Variants in EIF4ENIF1 observed in about 807,000 individuals in gnomAD.
EIF4ENIF1 encodes the protein eukaryotic translation initiation factor 4E nuclear import factor 1, also known as eukaryotic translation initiation factor 4E transporter.
A neutral mutation model predicts 110.5 loss-of-function variants in EIF4ENIF1; 23 were observed. That is an observed-to-expected ratio of 0.21 (90% CI 0.15 to 0.29). EIF4ENIF1 has a LOEUF of 0.29. EIF4ENIF1 is among the 10% of genes least tolerant of loss of function. The pLI is 1.00. For missense variants in EIF4ENIF1, 1,031 were observed against 1,221.1 expected (o/e 0.84, Z 2.32); for synonymous variants, 440 against 437.0 (o/e 1.01, Z -0.09).
intron 12 of EIF4ENIF1, 43 bp downstream of exon 12, chr22:31,449,305 T>G: frequency 6.3e-7 from 1 of 1,593,980 alleles, no homozygotes; most frequent in African/African-American, 1.3e-5. Context: ...CTACCGTGCC[T>G]GGCCATAAAT....
At chr22:31,440,255 C>G (rs2050250281) in intron 18 of EIF4ENIF1, 134 bp from the exon 19 acceptor site, 3 of 1,294,378 alleles carry the variant, frequency 2.3e-6, no homozygotes, top group South Asian at 1.4e-5. Flanking sequence ...AACTCCTTTG[C>G]AAAATACCAA....
intron 4 of EIF4ENIF1, among the ~76,000 whole-genome samples, chr22:31,465,153 G>C (rs182754913): frequency 6.6e-6 from 1 of 151,718 alleles, no homozygotes; most frequent in African/African-American, 2.4e-5. Flanking sequence ...GTGAAACCTC[G>C]TCTCTACTAA....
At position 31,458,640 on chromosome 22, in the gene EIF4ENIF1, C is replaced by T; in HGVS notation, c.798G>A (p.Glu266=). 1 of 1,596,988 alleles carries T rather than the reference C, an allele frequency of 6.3e-7. No homozygotes were observed. Among genetic ancestry groups the T allele is most frequent in the Non-Finnish European group, 8.5e-7 (1 of 1,170,760 alleles). ...CCTCTTCGGCCACTCCTCCATTGCA[C>T]TCTACTATACCTGAAAGCAAAACCA... ...RTASVKEGIV[E]CNGGVAEEDE... is the part of the protein sequence containing the mutation. Residue 266 remains glutamate (E), a synonymous_variant, in exon 7 of 19, where the codon GAG becomes GAA. Transcript: ENST00000330125.
At chr22:31,458,420 T>TA (rs1232705558) in intron 7 of EIF4ENIF1, 55 bp downstream of exon 7, 1 of 1,396,798 alleles carries the variant, frequency 7.2e-7, no homozygotes, top group African/African-American at 1.6e-5. Flanking sequence ...ACCGATGTCT[T>TA]AAATACTCAG....
chr22:31,458,241 C>CA (rs1018185022), intron 7 of EIF4ENIF1, among the ~76,000 whole-genome samples: 20 of 142,802 alleles, frequency 1.4e-4, no homozygotes, highest in East Asian at 4.3e-4. Flanking sequence ...AAAAAAAAAA[C>CA]AACAAAAAAA....
At chr22:31,462,902 G>T in intron 6 of EIF4ENIF1, 30 bp downstream of exon 6, 1 of 1,608,706 alleles carries the variant, frequency 6.2e-7, no homozygotes, top group Non-Finnish European at 8.5e-7. Context: ...TTTTAAAACA[G>T]CGAACTTCCC....
intron 4 of EIF4ENIF1, among the ~76,000 whole-genome samples, chr22:31,467,186 C>G (rs970264599): frequency 2.0e-5 from 3 of 152,168 alleles, no homozygotes; most frequent in Non-Finnish European, 4.4e-5. Context: ...TTAATAAAGT[C>G]TCTGCATATC....
chr22:31,445,991 G>A (rs1323116745), intron 14 of EIF4ENIF1, among the ~76,000 whole-genome samples: 1 of 138,832 alleles, frequency 7.2e-6, no homozygotes, highest in East Asian at 2.3e-4. Context: ...TTGATATGAA[G>A]ATCATATAAA....
downstream of EIF4ENIF1, among the ~76,000 whole-genome samples, chr22:31,438,741 T>A (rs2050210396): frequency 6.6e-6 from 1 of 151,922 alleles, no homozygotes; most frequent in African/African-American, 2.4e-5. Context: ...TTTTTTTTTT[T>A]AAGATGGAGT....
intron 9 of EIF4ENIF1, among the ~76,000 whole-genome samples, chr22:31,454,578 T>C (rs2050761763): frequency 6.6e-6 from 1 of 152,146 alleles, no homozygotes; most frequent in African/African-American, 2.4e-5. Context: ...AAACCTAAAA[T>C]GTTTAGATGC....
chr22:31,477,390 A>AAAG (rs1381135932), intron 2 of EIF4ENIF1, among the ~76,000 whole-genome samples: 157 of 133,650 alleles, frequency 1.2e-3, no homozygotes, highest in South Asian at 2.1e-3. Context: ...AAAACAAAAA[A>AAAG]AGAGAATTTG....
downstream of EIF4ENIF1, chr22:31,437,864 C>CTAT (rs2050195811): frequency 6.6e-6 from 1 of 152,158 alleles, no homozygotes; most frequent in African/African-American, 2.4e-5. Context: ...AACAGAGGGT[C>CTAT]TATTTCTGAA....
In EIF4ENIF1 at chr22:31,439,786, C is replaced by CAAAGT; in HGVS notation, c.*89_*93dup. 1 of 1,530,880 alleles carries CAAAGT rather than the reference C, an allele frequency of 6.5e-7. No homozygotes were observed. Among genetic ancestry groups the CAAAGT allele is most frequent in the Non-Finnish European group, 8.7e-7 (1 of 1,146,734 alleles). 94.8% of individuals were successfully genotyped at this position (1,530,880 alleles called of 1,614,324 possible). A position where few individuals can be genotyped will look rare whatever the true frequency, so the allele number is the denominator to read the frequency against. ...CCAAACAGCTTCACACAGAGTGCTC[C>CAAAGT]AAAGTAAAAGCCCATAAACCAACCC... On this transcript the variant is annotated 3_prime_UTR_variant, in exon 19 of 19. Coordinates refer to ENST00000330125, the MANE Select transcript of EIF4ENIF1 (RefSeq NM_019843.4).
chr22:31,492,690 G>A (rs748872551), upstream of EIF4ENIF1, among the ~76,000 whole-genome samples: 2 of 152,184 alleles, frequency 1.3e-5, no homozygotes, highest in Non-Finnish European at 2.9e-5. Context: ...TTGTTTCATT[G>A]TAGTTTTTGA....
chr22:31,468,423 C>G (rs1482474198), intron 3 of EIF4ENIF1, 121 bp from the exon 4 acceptor site: 37 of 1,399,752 alleles, frequency 2.6e-5, no homozygotes, highest in Non-Finnish European at 3.4e-5. Flanking sequence ...GAGACAGGGT[C>G]TCGCTCTGTC....
At chr22:31,464,755 A>C (rs2051131084) in intron 4 of EIF4ENIF1, among the ~76,000 whole-genome samples, 1 of 136,420 alleles carries the variant, frequency 7.3e-6, no homozygotes, top group Admixed American at 7.5e-5. Context: ...TTAATTCAAA[A>C]TGGATCACAG....
chr22:31,488,254 A>C lies in EIF4ENIF1; in HGVS notation c.96+369T>G, dbSNP rs2052119625. Reference sequence around the variant, plus strand: ...GAGTCTGCCTCTTAAGGAAACATCAATACAGAGGACACTAACTTTGTAACG... The same window carrying C: ...GAGTCTGCCTCTTAAGGAAACATCACTACAGAGGACACTAACTTTGTAACG... On this transcript the variant is annotated intron_variant, in intron 2 of 18. Coordinates refer to ENST00000330125, the MANE Select transcript of EIF4ENIF1 (RefSeq NM_019843.4). 1.3e-5 allele frequency among the ~76,000 whole-genome samples: 2 copies of C among 152,194 alleles called. 1 individual carries two copies. The highest frequency in any genetic ancestry group is 4.1e-4 in the South Asian group (2 of 4,828).
At chr22:31,437,452 C>CCT (rs1223955155), downstream of EIF4ENIF1, 1 of 114,472 alleles carries the variant, frequency 8.7e-6, no homozygotes, top group Non-Finnish European at 1.8e-5. Flanking sequence ...TGCCTTCATC[C>CCT]CCCCCCCACC....
rs2051077434 is a variant in EIF4ENIF1, at chr22:31,463,724, C to A, written c.542G>T (p.Arg181Ile). The A allele has an allele frequency of 2.5e-6, 4 of 1,612,254 alleles. No homozygotes were observed. In the Admixed American group the frequency reaches 5.0e-5, roughly 20 times the overall value. The change falls in exon 5 of 19, where the codon AGA becomes ATA. Residue 181 changes from arginine to isoleucine, a missense_variant. This residue lies in a region of EIF4ENIF1 where 704 missense variants were observed against 879.7 expected (regional missense o/e 0.80). Coordinates refer to ENST00000330125, the MANE Select transcript of EIF4ENIF1 (RefSeq NM_019843.4). ...RLSDKDLRDL[R>I]DRDRERDFKD... The stretch of plus-strand genomic sequence containing the variant: ...GAAGTCCCTCTCTCGGTCTCTGTCT[C>A]TCAAGTCCCGCAGGTCCTTATCGCT...
Sources: allele counts gnomAD v4.1 joint callset (sites outside exome capture counted in the v4.1 genomes callset), GRCh38; gene constraint gnomAD v4.1.1; regional missense constraint gnomAD v4.1.1; transcripts MANE v1.5; gene names NCBI Gene and HGNC (gene_info 2026-07-23, HGNC 2026-07-21).